Variants in RANBP2 observed in about 807,000 individuals in gnomAD.
The protein encoded by RANBP2 is E3 SUMO-protein ligase RanBP2.
RANBP2 carries 57 observed loss-of-function variants against 303.6 expected under a neutral mutation model. The ratio of observed to expected loss-of-function variants is 0.19; its 90% CI spans 0.15 to 0.23. The LOEUF (loss-of-function observed/expected upper bound fraction) is 0.23, where lower values mean the gene tolerates loss of function less well. Ranked by LOEUF, RANBP2 falls within the 10% of genes least tolerant of loss-of-function variation. The pLI is 1.00. For synonymous variants in RANBP2, 1,167 were observed against 1,301.5 expected (o/e 0.90, Z 2.23); for missense variants, 3,138 against 3,780.8 (o/e 0.83, Z 4.46).
At chr2:109,162,979 C>T in the RANBP2 span, among the ~76,000 whole-genome samples, 1 of 152,220 alleles carries the variant, frequency 6.6e-6, no homozygotes, top group Admixed American at 6.5e-5. Flanking sequence ...GATTTGCACC[C>T]TCTCTGACTG....
At chr2:109,303,923 A>C in the RANBP2 span, among the ~76,000 whole-genome samples, 48,086 of 151,824 alleles carry the variant, frequency 0.32, 9,575 homozygotes, top group African/African-American at 0.57. Flanking sequence ...ACTATAAGAT[A>C]TAACCCCGTC....
the RANBP2 span, among the ~76,000 whole-genome samples, chr2:109,351,682 A>G: frequency 6.6e-6 from 1 of 152,192 alleles, no homozygotes; most frequent in African/African-American, 2.4e-5. Flanking sequence ...CCCGCTGATC[A>G]TGGAATCACT....
the RANBP2 span, among the ~76,000 whole-genome samples, chr2:109,276,477 G>C: frequency 6.6e-6 from 1 of 152,178 alleles, no homozygotes; most frequent in Non-Finnish European, 1.5e-5. Context: ...CTTTAGCCCA[G>C]GTGTCGCTGC....
chr2:109,652,057 G>T, the RANBP2 span, among the ~76,000 whole-genome samples: 1 of 152,212 alleles, frequency 6.6e-6, no homozygotes, highest in African/African-American at 2.4e-5. Flanking sequence ...CTGAGAGCAG[G>T]TGGTGTGTGG....
At chr2:109,078,098 A>ATATATATATATATATATATATAGCG in the RANBP2 span, among the ~76,000 whole-genome samples, 4 of 60,052 alleles carry the variant, frequency 6.7e-5, no homozygotes, top group African/African-American at 3.4e-4. Flanking sequence ...ATATATATAT[A>ATATATATATATATATATATATAGCG]TATATATATA....
the RANBP2 span, among the ~76,000 whole-genome samples, chr2:109,638,041 G>A: frequency 3.3e-5 from 5 of 152,164 alleles, no homozygotes; most frequent in African/African-American, 1.2e-4. Context: ...TGTGTAAGAG[G>A]ATGTCCTTCC....
the RANBP2 span, among the ~76,000 whole-genome samples, chr2:109,450,640 T>C: frequency 7.9e-5 from 12 of 152,232 alleles, no homozygotes; most frequent in Non-Finnish European, 1.3e-4. Context: ...TGTTTTAAAA[T>C]TGTTGATGAG....
chr2:108,773,195 G>T, intron 23 of RANBP2, 149 bp downstream of exon 23: 1 of 806,674 alleles, frequency 1.2e-6, no homozygotes. Flanking sequence ...GTGGCTCAAT[G>T]CAGCCTTCAT....
At position 108,763,497 on chromosome 2, in the gene RANBP2, T is replaced by C. The variant is rs1337407927; in HGVS notation, c.2958T>C (p.Ile986=). The change falls in exon 20 of 29, where the codon ATT becomes ATC. Residue 986 remains isoleucine (I), a synonymous_variant. Coordinates refer to ENST00000283195, the MANE Select transcript of RANBP2 (RefSeq NM_006267.5). ...CAGGATATTTCACAAAACCTCCGAT[T>C]GCAGCTCATGCTTCAAGATCTGCAG... ...PEPGYFTKPP[I]AAHASRSAES... is the part of the protein sequence containing the mutation. 6.2e-7 allele frequency: 1 copy of C among 1,614,152 alleles called. No individual in the cohort carries two copies. Among genetic ancestry groups the C allele is most frequent in the South Asian group, 1.1e-5 (1 of 91,082 alleles).
chr2:109,601,954 C>T, the RANBP2 span, among the ~76,000 whole-genome samples: 1 of 152,090 alleles, frequency 6.6e-6, no homozygotes, highest in African/African-American at 2.4e-5. Flanking sequence ...TATGGAAATG[C>T]GCTTCCCGAG....
the RANBP2 span, among the ~76,000 whole-genome samples, chr2:109,152,264 G>A: frequency 9.9e-5 from 15 of 152,230 alleles, no homozygotes; most frequent in Non-Finnish European, 2.2e-4. Context: ...ATAATCACGG[G>A]AGGTGGGCAT....
the RANBP2 span, among the ~76,000 whole-genome samples, chr2:109,526,056 ACCATCAGGGCCCCTGACACACGC>A: frequency 6.6e-6 from 1 of 152,116 alleles, no homozygotes; most frequent in Non-Finnish European, 1.5e-5. Flanking sequence ...ACAACCAGTC[ACCATCAGGGCCCCTGACACACGC>A]CCACAGGTGA....
the RANBP2 span, among the ~76,000 whole-genome samples, chr2:109,004,091 T>C: frequency 1.8e-4 from 28 of 152,230 alleles, no homozygotes; most frequent in African/African-American, 6.0e-4. Context: ...GAAAAGAATG[T>C]TGACATGTGC....
At chr2:109,518,018 G>A in the RANBP2 span, among the ~76,000 whole-genome samples, 4 of 152,242 alleles carry the variant, frequency 2.6e-5, no homozygotes, top group African/African-American at 7.2e-5. Flanking sequence ...CAGGGGCTGA[G>A]GCCCTGCAGA....
the RANBP2 span, among the ~76,000 whole-genome samples, chr2:109,516,056 T>G: frequency 6.6e-6 from 1 of 152,166 alleles, no homozygotes; most frequent in Admixed American, 6.5e-5. Context: ...AGCACTCAGC[T>G]CCAAGGTCTC....
chr2:109,650,963 T>A, the RANBP2 span, among the ~76,000 whole-genome samples: 1 of 152,106 alleles, frequency 6.6e-6, no homozygotes, highest in Non-Finnish European at 1.5e-5. Context: ...TGAGGGACAG[T>A]CCCCAGTGGT....
the RANBP2 span, among the ~76,000 whole-genome samples, chr2:109,634,180 G>A: frequency 1.4e-5 from 2 of 141,814 alleles, no homozygotes; most frequent in Non-Finnish European, 3.1e-5. Context: ...TTGACTGAAT[G>A]TATTCAAAGA....
At chr2:109,002,093 G>A in the RANBP2 span, among the ~76,000 whole-genome samples, 1 of 152,312 alleles carries the variant, frequency 6.6e-6, no homozygotes, top group Non-Finnish European at 1.5e-5. Context: ...GTTGGTGGCT[G>A]CCATTTGCTG....
At chr2:108,862,820 C>A in the RANBP2 span, among the ~76,000 whole-genome samples, 1 of 151,868 alleles carries the variant, frequency 6.6e-6, no homozygotes, top group African/African-American at 2.4e-5. Context: ...TGGTTAGATA[C>A]TAGTGCATAT....
Sources: allele counts gnomAD v4.1 joint callset (sites outside exome capture counted in the v4.1 genomes callset), GRCh38; gene constraint gnomAD v4.1.1; transcripts MANE v1.5; gene names NCBI Gene and HGNC (gene_info 2026-07-23, HGNC 2026-07-21).